The following CDKL1 variants were observed in gnomAD, a reference collection of about 807,000 sequenced individuals.
CDKL1 encodes cyclin dependent kinase like 1, also known as cyclin-dependent kinase-like 1.
In CDKL1, 41 loss-of-function variants were observed where a neutral mutation model predicts 42.0. The observed-to-expected ratio is 0.98, with a 90% CI of 0.76 to 1.27. The LOEUF (loss-of-function observed/expected upper bound fraction) is 1.27. Among genes scored for constraint, CDKL1 ranks in the 50% most tolerant of loss-of-function variants. The pLI is 0.00. For synonymous variants in CDKL1, 153 were observed against 158.6 expected (o/e 0.96, Z 0.26); for missense variants, 394 against 428.4 (o/e 0.92, Z 0.71).
chr14:50,390,760 A>G (rs1538903), intron 2 of CDKL1, among the ~76,000 whole-genome samples: 1 of 152,182 alleles, frequency 6.6e-6, no homozygotes, highest in Admixed American at 6.5e-5. Context: ...AGTGCATCCA[A>G]CTGCTTTATG....
chr14:50,335,424 C>A, intron 7 of CDKL1: 2 of 1,459,536 alleles, frequency 1.4e-6, no homozygotes, highest in Non-Finnish European at 1.9e-6. Flanking sequence ...ACACTGTTGT[C>A]TCCTCCCACT....
At chr14:50,393,181 T>C (rs904548929) in intron 2 of CDKL1, among the ~76,000 whole-genome samples, 52 of 152,312 alleles carry the variant, frequency 3.4e-4, no homozygotes, top group African/African-American at 1.2e-3. Flanking sequence ...AGCTCAAACA[T>C]GCCTCCAATC....
intron 2 of CDKL1, among the ~76,000 whole-genome samples, chr14:50,366,294 G>T (rs929738573): frequency 6.6e-6 from 1 of 152,228 alleles, no homozygotes; most frequent in Non-Finnish European, 1.5e-5. Flanking sequence ...GAGGGTAAAG[G>T]TCTGACCAAA....
At chr14:50,369,523 TTTATTGTAAATTGTAAAC>T (rs1436280842) in intron 2 of CDKL1, among the ~76,000 whole-genome samples, 1 of 150,824 alleles carries the variant, frequency 6.6e-6, no homozygotes, top group Non-Finnish European at 1.5e-5. Context: ...CTTTTAAAGC[TTTATTGTAAATTGTAAAC>T]TTATTGTAAA....
chr14:50,395,529 C>G (rs1184943761), intron 2 of CDKL1, among the ~76,000 whole-genome samples, 172 bp downstream of exon 2: 1 of 152,096 alleles, frequency 6.6e-6, no homozygotes, highest in African/African-American at 2.4e-5. Context: ...GATCCCGGAG[C>G]AGTGGCTAGA....
chr14:50,385,593 C>T (rs752108354), intron 2 of CDKL1, among the ~76,000 whole-genome samples: 35 of 152,084 alleles, frequency 2.3e-4, no homozygotes, highest in Admixed American at 7.2e-4. Flanking sequence ...ATCACAAGGT[C>T]AGGAGTTAAA....
At position 50,330,250 on chromosome 14, in the gene CDKL1, T is replaced by A. The variant is rs1024821072; in HGVS notation, c.967-69A>T. 1.1e-5 allele frequency: 17 copies of A among 1,542,628 alleles called. No individual in the cohort carries two copies. The Admixed American group carries it at 2.6e-4, about 24-fold the overall frequency. On this transcript the variant is annotated intron_variant, in intron 9 of 9. Coordinates refer to ENST00000395834, the MANE Select transcript of CDKL1 (RefSeq NM_004196.7). ...CATTTTTTTCATTATTTAGAATATA[T>A]CACAAAAGAGGTAATTAAGCTTTTT...
rs752805676 is a variant in CDKL1 at position 50,332,435 on chromosome 14, A to C, written c.796-3T>G. Reference sequence around the variant, plus strand: ...GTAGGGTCCATGTGGAGACAGCCCTAAAAGAACAGAAAATTCCTTCTTCTT... The same window carrying C: ...GTAGGGTCCATGTGGAGACAGCCCTCAAAGAACAGAAAATTCCTTCTTCTT... On this transcript the variant is annotated splice_polypyrimidine_tract_variant and splice_region_variant and intron_variant, in intron 8 of 9. Coordinates refer to ENST00000395834, the MANE Select transcript of CDKL1 (RefSeq NM_004196.7). 6 of 1,588,726 alleles carry C rather than the reference A, an allele frequency of 3.8e-6. No homozygotes were observed. The highest frequency in any genetic ancestry group is 5.1e-6 in the Non-Finnish European group (6 of 1,171,966).
chr14:50,356,867 T>C (rs1484673812), intron 3 of CDKL1, among the ~76,000 whole-genome samples: 1 of 152,212 alleles, frequency 6.6e-6, no homozygotes, highest in Non-Finnish European at 1.5e-5. Flanking sequence ...TCCTGGAACA[T>C]ATATAACATA....
At chr14:50,342,807 G>C (rs1351185996) in intron 4 of CDKL1, 1 of 1,095,128 alleles carries the variant, frequency 9.1e-7, no homozygotes, top group Admixed American at 4.3e-5. Context: ...GAGATAAGCT[G>C]GGAAGAGAAG....
At chr14:50,344,586 C>T (rs1241549138) in intron 4 of CDKL1, among the ~76,000 whole-genome samples, 5 of 151,230 alleles carry the variant, frequency 3.3e-5, no homozygotes, top group African/African-American at 1.2e-4. Flanking sequence ...CCTTCCACCT[C>T]AGCCTCCTGA....
At chr14:50,395,596 G>A in intron 2 of CDKL1, 105 bp downstream of exon 2, 1 of 745,480 alleles carries the variant, frequency 1.3e-6, no homozygotes, top group Non-Finnish European at 2.2e-6. Context: ...GAGCCCAGGA[G>A]TTCCAGGCTG....
chr14:50,357,686 G>C (rs1386977231), intron 3 of CDKL1, among the ~76,000 whole-genome samples: 1 of 152,120 alleles, frequency 6.6e-6, no homozygotes, highest in East Asian at 1.9e-4. Flanking sequence ...TAGGCCCCAG[G>C]GATAGTTGCG....
intron 2 of CDKL1, chr14:50,378,299 T>C (rs771481117): frequency 7.3e-7 from 1 of 1,366,550 alleles, no homozygotes; most frequent in Non-Finnish European, 9.8e-7. Flanking sequence ...ATGAGGTTGT[T>C]GCAGTGCCTG....
At chr14:50,332,228 A>G (rs200578816) in intron 9 of CDKL1, 34 bp downstream of exon 9, 2 of 1,614,192 alleles carry the variant, frequency 1.2e-6, no homozygotes, top group Non-Finnish European at 1.7e-6. Flanking sequence ...TCTCTGTACC[A>G]GGTGGCAGGT....
chr14:50,336,263 C>A lies in CDKL1; in HGVS notation c.739-1642G>T, dbSNP rs57509258. The A allele has an allele frequency of 1.4e-3, 1,716 of 1,253,280 alleles. 23 individuals are homozygous for A. The African/African-American group carries it at 0.023, about 16-fold the overall frequency. 77.6% of individuals were successfully genotyped at this position (1,253,280 alleles called of 1,614,324 possible). A position where few individuals can be genotyped will look rare whatever the true frequency, so the allele number is the denominator to read the frequency against. Reference sequence around the variant, plus strand: ...AACCAGTGCAGCCCCCGCACTGCCTCTTCCTGTGTTTCTGTCAACAGGAAA... The same window carrying A: ...AACCAGTGCAGCCCCCGCACTGCCTATTCCTGTGTTTCTGTCAACAGGAAA... On this transcript the variant is annotated intron_variant, in intron 7 of 9. Coordinates refer to ENST00000395834, the MANE Select transcript of CDKL1 (RefSeq NM_004196.7).
chr14:50,342,985 G>A (rs760945535), intron 4 of CDKL1: 3 of 1,355,606 alleles, frequency 2.2e-6, no homozygotes. Context: ...TCGAGATGCG[G>A]CCCCCCCTCC....
chr14:50,340,395 A>C (rs1228145325), intron 6 of CDKL1, among the ~76,000 whole-genome samples: 2 of 152,168 alleles, frequency 1.3e-5, no homozygotes, highest in Non-Finnish European at 2.9e-5. Context: ...AAACTGCGAT[A>C]CTCAGGCGAG....
At chr14:50,367,200 T>A (rs1256615297) in intron 2 of CDKL1, among the ~76,000 whole-genome samples, 2 of 152,080 alleles carry the variant, frequency 1.3e-5, no homozygotes, top group African/African-American at 4.8e-5. Flanking sequence ...GAGGAAGTGG[T>A]CAGTGTTGAC....
Sources: allele counts gnomAD v4.1 joint callset (sites outside exome capture counted in the v4.1 genomes callset), GRCh38; gene constraint gnomAD v4.1.1; transcripts MANE v1.5; gene names NCBI Gene and HGNC (gene_info 2026-07-23, HGNC 2026-07-21).